Variants in DENND4C observed in about 807,000 individuals in gnomAD.
DENND4C encodes the protein DENN domain-containing protein 4C.
A neutral mutation model predicts 203.0 loss-of-function variants in DENND4C; 108 were observed. That is an observed-to-expected ratio of 0.53 (90% CI 0.46 to 0.62). DENND4C has a LOEUF of 0.62. Among genes scored for constraint, DENND4C ranks in the 20% least tolerant of loss-of-function variants. The probability of loss-of-function intolerance (pLI) is 0.00; values close to 1 mark genes in which losing one functional copy is unlikely to be tolerated. For missense variants in DENND4C, 2,481 were observed against 2,301.2 expected (o/e 1.08, Z -1.60); for synonymous variants, 871 against 792.4 (o/e 1.10, Z -1.67).
intron 1 of DENND4C, among the ~76,000 whole-genome samples, chr9:19,252,866 T>C (rs1331709310): frequency 2.0e-5 from 3 of 151,990 alleles, no homozygotes; most frequent in Non-Finnish European, 4.4e-5. Context: ...CTTCCAAGTA[T>C]CTAGGACCAC....
intron 30 of DENND4C, among the ~76,000 whole-genome samples, chr9:19,369,413 A>T (rs564192276): frequency 1.2e-4 from 19 of 152,266 alleles, no homozygotes; most frequent in African/African-American, 4.1e-4. Context: ...TAATTTTACT[A>T]GTAGTGGGGA....
chr9:19,257,168 A>G (rs1828190855), intron 1 of DENND4C, among the ~76,000 whole-genome samples: 1 of 151,872 alleles, frequency 6.6e-6, no homozygotes, highest in South Asian at 2.1e-4. Context: ...TTTAAAAAAG[A>G]AAACGGCTAT....
intron 9 of DENND4C, among the ~76,000 whole-genome samples, chr9:19,303,216 T>G (rs1838956968): frequency 6.6e-6 from 1 of 152,140 alleles, no homozygotes; most frequent in African/African-American, 2.4e-5. Context: ...GCTCAAAAAG[T>G]GTTGGATTTT....
chr9:19,339,611 C>G (rs897068411), intron 20 of DENND4C, among the ~76,000 whole-genome samples: 3 of 152,130 alleles, frequency 2.0e-5, no homozygotes, highest in South Asian at 2.1e-4. Context: ...TCTGGTTTCT[C>G]TGTGGATAGT....
intron 30 of DENND4C, among the ~76,000 whole-genome samples, chr9:19,364,082 C>G (rs950461030): frequency 6.6e-6 from 1 of 152,092 alleles, no homozygotes; most frequent in African/African-American, 2.4e-5. Context: ...CTTTGGGAGT[C>G]CAAGGCAGGA....
chr9:19,330,855 G>T (rs1818952554), intron 16 of DENND4C, among the ~76,000 whole-genome samples: 1 of 151,900 alleles, frequency 6.6e-6, no homozygotes, highest in Non-Finnish European at 1.5e-5. Flanking sequence ...TTCTAGACCA[G>T]TCTGGCCAAC....
intron 10 of DENND4C, among the ~76,000 whole-genome samples, chr9:19,307,937 A>G (rs927135613): frequency 3.9e-5 from 6 of 151,914 alleles, no homozygotes; most frequent in African/African-American, 1.4e-4. Context: ...TATCACATAC[A>G]TGTATTTTTC....
At chr9:19,272,433 C>A (rs1300160672) in intron 1 of DENND4C, among the ~76,000 whole-genome samples, 22 of 150,984 alleles carry the variant, frequency 1.5e-4, no homozygotes, top group Non-Finnish European at 2.4e-4. Flanking sequence ...AAAACAAAAA[C>A]AAAAACAAAA....
intron 12 of DENND4C, among the ~76,000 whole-genome samples, chr9:19,317,771 A>C (rs1177204347): frequency 6.6e-6 from 1 of 152,242 alleles, no homozygotes; most frequent in Non-Finnish European, 1.5e-5. Context: ...GTACTCAAGA[A>C]AACATATTTT....
chr9:19,268,608 G>C (rs1407602949), intron 1 of DENND4C, among the ~76,000 whole-genome samples: 1 of 152,074 alleles, frequency 6.6e-6, no homozygotes, highest in Non-Finnish European at 1.5e-5. Context: ...ATTTCCTGTA[G>C]GACAGGTCTG....
Position 19,372,156 on chromosome 9 carries a change from G to A in DENND4C, c.5860G>A (p.Gly1954Arg). 1 of 1,611,860 alleles carries A rather than the reference G, an allele frequency of 6.2e-7. No individual in the cohort carries two copies. Among genetic ancestry groups the A allele is most frequent in the Non-Finnish European group, 8.5e-7 (1 of 1,179,328 alleles). The change falls in exon 33 of 33, where the codon GGA (glycine) becomes AGA (arginine). Residue 1954 changes from glycine to arginine, a missense_variant. By Grantham distance (125) the Gly-to-Arg change is moderately radical (BLOSUM62 -2). Coordinates refer to ENST00000434457, the MANE Select transcript of DENND4C (RefSeq NM_001330640.2). ...ASVEWCRKCFGAPLI is the reference protein window; with the variant it reads ...ASVEWCRKCFRAPLI ...TGTCGAGTGGTGCAGGAAGTGTTTT[G>A]GAGCGCCTCTCATTTAAATAGAGAT... is the stretch of plus-strand genomic sequence containing the variant.
At chr9:19,281,876 A>C (rs1478074615) in intron 2 of DENND4C, among the ~76,000 whole-genome samples, 1 of 152,240 alleles carries the variant, frequency 6.6e-6, no homozygotes, top group East Asian at 1.9e-4. Context: ...AGTGGTGAGT[A>C]TATGTATATC....
At chr9:19,231,799 G>C (rs1243989917) in intron 1 of DENND4C, among the ~76,000 whole-genome samples, 3 of 151,442 alleles carry the variant, frequency 2.0e-5, no homozygotes, top group Non-Finnish European at 4.4e-5. Flanking sequence ...GTTGTAGCCT[G>C]AGAAATTGAC....
chr9:19,328,681 A>ATCTG (rs1188310669), intron 16 of DENND4C, among the ~76,000 whole-genome samples: 2 of 142,626 alleles, frequency 1.4e-5, no homozygotes, highest in Non-Finnish European at 3.1e-5. Flanking sequence ...CTATCTATCT[A>ATCTG]TCTATCTATC....
chr9:19,249,914 T>A (rs1289889681), intron 1 of DENND4C, among the ~76,000 whole-genome samples: 1 of 152,144 alleles, frequency 6.6e-6, no homozygotes, highest in Non-Finnish European at 1.5e-5. Context: ...CACTTCAGCC[T>A]CCCAAATTGC....
At chr9:19,334,847 A>C in intron 17 of DENND4C, 130 bp from the exon 18 acceptor site, 1 of 935,024 alleles carries the variant, frequency 1.1e-6, no homozygotes, top group Admixed American at 2.9e-5. Flanking sequence ...ATAATTTGCT[A>C]AGATGCTCAA....
At chr9:19,316,120 C>A (rs1158471859) in intron 10 of DENND4C, among the ~76,000 whole-genome samples, 1 of 152,134 alleles carries the variant, frequency 6.6e-6, no homozygotes, top group Non-Finnish European at 1.5e-5. Flanking sequence ...AGGTTTGACA[C>A]TTAGAATATT....
chr9:19,370,139 C>T, intron 31 of DENND4C, 152 bp downstream of exon 31: 1 of 909,504 alleles, frequency 1.1e-6, no homozygotes, highest in Non-Finnish European at 1.7e-6. Flanking sequence ...TATATACATT[C>T]CTACTTGAAC....
At chr9:19,253,718 GT>G (rs905990539) in intron 1 of DENND4C, among the ~76,000 whole-genome samples, 2 of 152,112 alleles carry the variant, frequency 1.3e-5, no homozygotes, top group Admixed American at 6.5e-5. Flanking sequence ...ACTGCATTTA[GT>G]TTTTTTTATC....
Sources: allele counts gnomAD v4.1 joint callset (sites outside exome capture counted in the v4.1 genomes callset), GRCh38; gene constraint gnomAD v4.1.1; transcripts MANE v1.5; gene names NCBI Gene and HGNC (gene_info 2026-07-23, HGNC 2026-07-21).